Variants in C12orf42 observed in about 807,000 individuals in gnomAD.
The protein encoded by C12orf42 is chromosome 12 open reading frame 42, also known as uncharacterized protein C12orf42.
C12orf42 carries 25 observed loss-of-function variants against 21.6 expected under a neutral mutation model. The ratio of observed to expected loss-of-function variants is 1.16; its 90% CI spans 0.84 to 1.62. C12orf42 has a LOEUF of 1.62. Among genes scored for constraint, C12orf42 ranks in the 40% most tolerant of loss-of-function variants. The pLI, the probability that C12orf42 is intolerant of heterozygous loss-of-function variation, is 0.00. For missense variants in C12orf42, 483 were observed against 459.3 expected (o/e 1.05, Z -0.47); for synonymous variants, 174 against 175.0 (o/e 0.99, Z 0.05).
At chr12:103,236,677 C>CCT (rs1035856485), downstream of C12orf42, among the ~76,000 whole-genome samples, 2 of 151,894 alleles carry the variant, frequency 1.3e-5, no homozygotes, top group African/African-American at 4.8e-5. Flanking sequence ...CAATGGGCCC[C>CCT]CTCTGTCATT....
rs2034205167 is a variant in C12orf42, at chr12:103,249,866, A to G, written c.*1367-11964T>C. ...CAATCCTTAGATTTTCTAACCTTCC[A>G]GGAAAGAGTTACAAATGTCAACATT... is the stretch of plus-strand genomic sequence containing the variant. On this transcript the variant is annotated intron_variant and NMD_transcript_variant, in intron 10 of 10. Coordinates refer to the C12orf42 transcript ENST00000547347. Among the ~76,000 whole-genome samples, 3 of 152,114 alleles carry G rather than the reference A, an allele frequency of 2.0e-5. No individual in the cohort carries two copies. The South Asian group carries it at 6.2e-4, about 32-fold the overall frequency.
At chr12:103,303,471 T>C (rs1366405360) in intron 5 of C12orf42, among the ~76,000 whole-genome samples, 4 of 152,324 alleles carry the variant, frequency 2.6e-5, no homozygotes, top group African/African-American at 9.6e-5. Flanking sequence ...ATAAAAAATG[T>C]ATGTGCTTTA....
chr12:103,366,344 C>A (rs2044600423), intron 4 of C12orf42, among the ~76,000 whole-genome samples: 1 of 151,942 alleles, frequency 6.6e-6, no homozygotes, highest in African/African-American at 2.4e-5. Context: ...AATCTAAGAC[C>A]CAACACTATA....
the C12orf42 span, among the ~76,000 whole-genome samples, chr12:103,136,793 T>C: frequency 2.6e-5 from 4 of 152,230 alleles, no homozygotes; most frequent in Non-Finnish European, 5.9e-5. Flanking sequence ...GGACACCCTC[T>C]CTTCAATTAG....
the C12orf42 span, among the ~76,000 whole-genome samples, chr12:103,156,992 T>C: frequency 2.0e-5 from 3 of 152,170 alleles, no homozygotes; most frequent in African/African-American, 7.2e-5. Flanking sequence ...ATATATCCAG[T>C]AATGGGATTA....
chr12:103,273,398 G>T (rs1347777058), intron 5 of C12orf42, among the ~76,000 whole-genome samples: 1 of 152,092 alleles, frequency 6.6e-6, no homozygotes, highest in East Asian at 1.9e-4. Context: ...CATAATGACT[G>T]CTTTAAGTAG....
At chr12:103,216,428 T>C in the C12orf42 span, among the ~76,000 whole-genome samples, 1 of 151,678 alleles carries the variant, frequency 6.6e-6, no homozygotes, top group Non-Finnish European at 1.5e-5. Flanking sequence ...TGGAGTGCAG[T>C]GGCACAATCT....
chr12:103,411,281 CA>C (rs2048825393), intron 2 of C12orf42, among the ~76,000 whole-genome samples: 1 of 152,010 alleles, frequency 6.6e-6, no homozygotes, highest in African/African-American at 2.4e-5. Context: ...TATTAATATG[CA>C]AAAGTTTTAA....
chr12:103,109,530 G>A, the C12orf42 span, among the ~76,000 whole-genome samples: 59 of 151,524 alleles, frequency 3.9e-4, no homozygotes, highest in Non-Finnish European at 5.0e-4. Context: ...TGTGAAATGC[G>A]AAACTTTAAT....
At chr12:103,089,464 C>T in the C12orf42 span, among the ~76,000 whole-genome samples, 66 of 152,236 alleles carry the variant, frequency 4.3e-4, no homozygotes, top group African/African-American at 1.4e-3. Context: ...CTTTACAGGG[C>T]GTATCTTCTT....
At chr12:103,156,987 T>G in the C12orf42 span, among the ~76,000 whole-genome samples, 1 of 152,160 alleles carries the variant, frequency 6.6e-6, no homozygotes, top group Non-Finnish European at 1.5e-5. Context: ...TGGGTATATA[T>G]CCAGTAATGG....
At chr12:103,478,304 T>C (rs1252525972) in intron 2 of C12orf42, 45 bp downstream of exon 2, 14 of 1,301,332 alleles carry the variant, frequency 1.1e-5, no homozygotes, top group Middle Eastern at 1.8e-4. Context: ...AGCAAACCTA[T>C]TAACCTAAAA....
chr12:103,407,717 C>T (rs1043396303), intron 2 of C12orf42, among the ~76,000 whole-genome samples: 1 of 152,070 alleles, frequency 6.6e-6, no homozygotes, highest in Non-Finnish European at 1.5e-5. Flanking sequence ...ACAGGGCAAC[C>T]GCACCCCAAC....
chr12:103,459,291 A>G (rs907218225), intron 2 of C12orf42, among the ~76,000 whole-genome samples: 3 of 152,176 alleles, frequency 2.0e-5, no homozygotes, highest in South Asian at 4.1e-4. Context: ...TAGGGTTTGG[A>G]TATTTGTCCC....
At position 103,432,017 on chromosome 12, in the gene C12orf42, C is replaced by G. The variant is rs542789821; in HGVS notation, c.79-30342G>C. On this transcript the variant is annotated intron_variant, in intron 2 of 5. Coordinates refer to ENST00000548883, the MANE Select transcript of C12orf42 (RefSeq NM_198521.5). ...CTGAGAGATCAAGTGCACAGTTTGA[C>G]TTTCAACTTGGGGTATTATACGTTG... Among the ~76,000 whole-genome samples, 21 of 152,332 alleles carry G rather than the reference C, an allele frequency of 1.4e-4. No homozygotes were observed. The East Asian group carries it at 4.0e-3, about 29-fold the overall frequency.
chr12:103,058,224 G>C, the C12orf42 span, among the ~76,000 whole-genome samples: 2 of 152,006 alleles, frequency 1.3e-5, no homozygotes, highest in Non-Finnish European at 2.9e-5. Context: ...TGAAGTGCTG[G>C]GATTACAGGC....
intron 4 of C12orf42, among the ~76,000 whole-genome samples, chr12:103,290,895 G>A (rs117775298): frequency 0.05 from 7,660 of 152,020 alleles, 259 homozygotes; most frequent in Middle Eastern, 0.078. Context: ...GTGGGAGGGG[G>A]GTGAGGGATG....
chr12:103,049,458 T>G, the C12orf42 span, among the ~76,000 whole-genome samples: 1 of 152,186 alleles, frequency 6.6e-6, no homozygotes, highest in Non-Finnish European at 1.5e-5. Flanking sequence ...TCACCTGGAT[T>G]AAGGTGATGG....
intron 4 of C12orf42, among the ~76,000 whole-genome samples, chr12:103,320,093 C>A (rs985626291): frequency 1.3e-5 from 2 of 152,284 alleles, no homozygotes; most frequent in South Asian, 4.1e-4. Flanking sequence ...GAACCTACTG[C>A]TGTCCACATA....
Sources: allele counts gnomAD v4.1 joint callset (sites outside exome capture counted in the v4.1 genomes callset), GRCh38; gene constraint gnomAD v4.1.1; transcripts MANE v1.5; gene names NCBI Gene and HGNC (gene_info 2026-07-23, HGNC 2026-07-21).